AGBL1: variants seen among roughly 807,000 people sequenced by gnomAD.
The protein encoded by AGBL1 is AGBL carboxypeptidase 1, also known as cytosolic carboxypeptidase 4.
Under a neutral mutation model 118.9 loss-of-function variants are expected in AGBL1, and 130 were observed. The observed-to-expected ratio is 1.09, with a 90% confidence interval of 0.95 to 1.26. The LOEUF (loss-of-function observed/expected upper bound fraction) is 1.26, where lower values mean the gene tolerates loss of function less well. Among genes scored for constraint, AGBL1 ranks in the 50% most tolerant of loss-of-function variants. The pLI, the probability that AGBL1 is intolerant of heterozygous loss-of-function variation, is 0.00. For synonymous variants in AGBL1, 555 were observed against 478.9 expected, an observed-to-expected ratio of 1.16 and a Z score of -2.08; for missense variants, 1,584 against 1,298.1, an observed-to-expected ratio of 1.22 and a Z score of -3.38.
At chr15:86,162,375 G>A (rs924655331) in intron 5 of AGBL1, among the ~76,000 whole-genome samples, 1 of 152,118 alleles carries the variant, frequency 6.6e-6, no homozygotes, top group Non-Finnish European at 1.5e-5. Context: ...TCTCTAGCAG[G>A]AACCTAAAAT....
At chr15:86,797,136 G>C (rs2078584386) in intron 22 of AGBL1, among the ~76,000 whole-genome samples, 1 of 152,172 alleles carries the variant, frequency 6.6e-6, no homozygotes, top group African/African-American at 2.4e-5. Context: ...AAATTGCATG[G>C]GATATTTGTA....
intron 21 of AGBL1, among the ~76,000 whole-genome samples, chr15:86,598,693 GTC>G (rs2084446148): frequency 6.6e-6 from 1 of 152,094 alleles, no homozygotes. Context: ...TGCTGTGACT[GTC>G]TGCACAAGCA....
At chr15:86,941,233 T>G (rs1435343496) in intron 23 of AGBL1, among the ~76,000 whole-genome samples, 1 of 152,212 alleles carries the variant, frequency 6.6e-6, no homozygotes, top group Non-Finnish European at 1.5e-5. Context: ...TGAGACTCTT[T>G]TCCTCCACAT....
chr15:86,432,728 G>A (rs1212453217), intron 18 of AGBL1, among the ~76,000 whole-genome samples: 6 of 152,236 alleles, frequency 3.9e-5, no homozygotes, highest in Non-Finnish European at 8.8e-5. Context: ...AAGCCTGAAG[G>A]AGGTAGGGAG....
intron 21 of AGBL1, among the ~76,000 whole-genome samples, chr15:86,612,424 G>T (rs1374609073): frequency 1.4e-5 from 2 of 145,170 alleles, no homozygotes; most frequent in Non-Finnish European, 3.0e-5. Context: ...ACTAGTTCAG[G>T]CCATGATGGG....
At chr15:86,578,829 G>A (rs1476222471) in intron 21 of AGBL1, among the ~76,000 whole-genome samples, 1 of 152,206 alleles carries the variant, frequency 6.6e-6, no homozygotes, top group African/African-American at 2.4e-5. Flanking sequence ...TCCCAGCCAT[G>A]TGGAACTGTA....
At chr15:86,817,912 TAGAA>T (rs2078888380) in intron 22 of AGBL1, among the ~76,000 whole-genome samples, 1 of 152,016 alleles carries the variant, frequency 6.6e-6, no homozygotes, top group Admixed American at 6.6e-5. Context: ...GACAAACACA[TAGAA>T]AGAAGACAGT....
intron 21 of AGBL1, among the ~76,000 whole-genome samples, chr15:86,572,732 C>A (rs113483601): frequency 1.6e-4 from 25 of 152,356 alleles, no homozygotes; most frequent in Non-Finnish European, 3.2e-4. Context: ...CGCAGCTTCT[C>A]CAGCTGCCAC....
At chr15:86,838,058 T>C (rs1015577734) in intron 22 of AGBL1, among the ~76,000 whole-genome samples, 3 of 152,182 alleles carry the variant, frequency 2.0e-5, no homozygotes, top group African/African-American at 7.2e-5. Flanking sequence ...GTCCTGACAG[T>C]TATGCTATGG....
intron 21 of AGBL1, among the ~76,000 whole-genome samples, chr15:86,576,932 T>C (rs990563567): frequency 1.3e-4 from 20 of 152,300 alleles, no homozygotes; most frequent in Admixed American, 1.0e-3. Context: ...ACCTCTTTCT[T>C]TTGTAAATTG....
At chr15:86,825,879 AGATG>A (rs199676683) in intron 22 of AGBL1, among the ~76,000 whole-genome samples, 4,698 of 136,362 alleles carry the variant, frequency 0.034, 118 homozygotes, top group East Asian at 0.055. Flanking sequence ...GACAGATGAT[AGATG>A]GATGGATAGA....
chr15:86,647,730 C>T (rs1418774785), intron 21 of AGBL1, among the ~76,000 whole-genome samples: 1 of 151,932 alleles, frequency 6.6e-6, no homozygotes, highest in African/African-American at 2.4e-5. Context: ...TGTTAAATTT[C>T]CAATATACAA....
At chr15:86,506,579 G>A (rs2082980227) in intron 18 of AGBL1, among the ~76,000 whole-genome samples, 1 of 152,066 alleles carries the variant, frequency 6.6e-6, no homozygotes, top group South Asian at 2.1e-4. Context: ...CTTAATTGAA[G>A]AGTCTTGACA....
chr15:86,604,325 A>T (rs2084541187), intron 21 of AGBL1, among the ~76,000 whole-genome samples: 1 of 152,204 alleles, frequency 6.6e-6, no homozygotes, highest in Admixed American at 6.5e-5. Context: ...GTTTTATTAT[A>T]ATTATTTATC....
chr15:86,273,786 A>G (rs1023981606), intron 15 of AGBL1, among the ~76,000 whole-genome samples: 3 of 152,344 alleles, frequency 2.0e-5, no homozygotes, highest in African/African-American at 7.2e-5. Flanking sequence ...AGAGGATGCC[A>G]GGGTGCTCAC....
At chr15:86,473,097 G>A (rs921962466) in intron 18 of AGBL1, among the ~76,000 whole-genome samples, 1 of 151,914 alleles carries the variant, frequency 6.6e-6, no homozygotes, top group African/African-American at 2.4e-5. Flanking sequence ...TCATTATAAT[G>A]CCTTTATAAG....
chr15:86,807,033 A>T (rs2078724568), intron 22 of AGBL1, among the ~76,000 whole-genome samples: 1 of 152,132 alleles, frequency 6.6e-6, no homozygotes, highest in Non-Finnish European at 1.5e-5. Flanking sequence ...TTCCTGAGGA[A>T]CATTCCAAAT....
chr15:86,083,519 G>T (rs1390443192), intron 1 of AGBL1: 1 of 152,112 alleles, frequency 6.6e-6, no homozygotes, highest in Non-Finnish European at 1.5e-5. Flanking sequence ...AATGTGCATA[G>T]TTAACTTCTT....
At chr15:86,479,661 G>T (rs1387125020) in intron 18 of AGBL1, among the ~76,000 whole-genome samples, 1 of 152,184 alleles carries the variant, frequency 6.6e-6, no homozygotes, top group Non-Finnish European at 1.5e-5. Context: ...TTCAACCATT[G>T]TGGAAGACAG....
Sources: allele counts gnomAD v4.1 joint callset (sites outside exome capture counted in the v4.1 genomes callset), GRCh38; gene constraint gnomAD v4.1.1; transcripts MANE v1.5; gene names NCBI Gene and HGNC (gene_info 2026-07-23, HGNC 2026-07-21).